PLXDC2: variants seen among roughly 807,000 people sequenced by gnomAD.
PLXDC2 encodes the protein plexin domain containing 2, also known as plexin domain-containing protein 2.
PLXDC2 carries 40 observed loss-of-function variants against 68.9 expected under a neutral mutation model. That is an observed-to-expected ratio of 0.58 (90% CI 0.45 to 0.76). The LOEUF (loss-of-function observed/expected upper bound fraction) is 0.76, where lower values mean the gene tolerates loss of function less well. Ranked by LOEUF, PLXDC2 falls within the 30% of genes least tolerant of loss-of-function variation. PLXDC2 has a pLI of 0.00. For missense variants in PLXDC2, 644 were observed against 661.9 expected (o/e 0.97, Z 0.30); for synonymous variants, 243 against 234.2 (o/e 1.04, Z -0.34).
intron 12 of PLXDC2, among the ~76,000 whole-genome samples, chr10:20,220,189 T>C (rs1413259763): frequency 1.3e-5 from 2 of 152,202 alleles, no homozygotes; most frequent in Admixed American, 1.3e-4. Context: ...AGTGAATAGT[T>C]TTAGAAATGA....
Position 20,217,557 on chromosome 10 carries a change from C to T in PLXDC2, c.1254C>T (p.Pro418=). ...GAAGAGCAGTGACTTCTCAGTTTCC[C>T]ACCAGCCTCCCTACAGAAGGTACCC... ...TTRRAVTSQF[P]TSLPTEDDTK... Residue 418 remains proline, a synonymous_variant, in exon 11 of 14, where the codon CCC becomes CCT. Transcript: ENST00000377252. 1.2e-6 allele frequency: 2 copies of T among 1,605,644 alleles called. No homozygotes were observed. Among genetic ancestry groups the T allele is most frequent in the Non-Finnish European group, 1.7e-6 (2 of 1,175,522 alleles).
intron 1 of PLXDC2, among the ~76,000 whole-genome samples, chr10:19,996,284 ATAAAAT>A (rs1264597704): frequency 6.6e-6 from 1 of 152,160 alleles, no homozygotes; most frequent in African/African-American, 2.4e-5. Context: ...TCTACAAGAA[ATAAAAT>A]TAAAAATTAG....
intron 3 of PLXDC2, 73 bp from the exon 4 acceptor site, chr10:20,068,097 G>A (rs1836245784): frequency 4.5e-6 from 6 of 1,325,770 alleles, no homozygotes; most frequent in South Asian, 1.3e-5. Flanking sequence ...TTTGTTTTAA[G>A]TGAAAGGCTC....
At chr10:19,956,826 A>G (rs577053673) in intron 1 of PLXDC2, among the ~76,000 whole-genome samples, 3 of 152,350 alleles carry the variant, frequency 2.0e-5, no homozygotes, top group African/African-American at 7.2e-5. Flanking sequence ...AACTATGTCA[A>G]TACGGGAATG....
At chr10:19,959,635 A>G (rs939239425) in intron 1 of PLXDC2, among the ~76,000 whole-genome samples, 2 of 152,234 alleles carry the variant, frequency 1.3e-5, no homozygotes, top group African/African-American at 2.4e-5. Flanking sequence ...ATCACAGTGT[A>G]GAGTAAATAG....
chr10:20,024,817 G>C (rs946399181), intron 2 of PLXDC2, among the ~76,000 whole-genome samples: 2 of 152,090 alleles, frequency 1.3e-5, no homozygotes, highest in African/African-American at 4.8e-5. Flanking sequence ...AGAACATGCA[G>C]TATTTGTTTT....
At chr10:19,906,319 A>C (rs919394658) in intron 1 of PLXDC2, among the ~76,000 whole-genome samples, 2 of 152,232 alleles carry the variant, frequency 1.3e-5, no homozygotes, top group African/African-American at 4.8e-5. Flanking sequence ...GAGACATATC[A>C]TGCCACAGTA....
At chr10:20,240,728 A>G (rs1835503472) in intron 12 of PLXDC2, among the ~76,000 whole-genome samples, 1 of 151,838 alleles carries the variant, frequency 6.6e-6, no homozygotes, top group African/African-American at 2.4e-5. Flanking sequence ...AAAAAAAAAA[A>G]AAAGGTTAAA....
chr10:20,071,274 A>G (rs1836311989), intron 4 of PLXDC2: 1 of 152,202 alleles, frequency 6.6e-6, no homozygotes, highest in African/African-American at 2.4e-5. Flanking sequence ...AAAGCACAAG[A>G]TGCGTCATTA....
chr10:19,989,004 C>A (rs1834699798), intron 1 of PLXDC2, among the ~76,000 whole-genome samples: 1 of 151,598 alleles, frequency 6.6e-6, no homozygotes, highest in South Asian at 2.1e-4. Context: ...CCATATTGCC[C>A]AGTGTGGCTG....
chr10:19,920,524 T>C (rs1389117066), intron 1 of PLXDC2, among the ~76,000 whole-genome samples: 1 of 152,128 alleles, frequency 6.6e-6, no homozygotes, highest in Non-Finnish European at 1.5e-5. Flanking sequence ...CATGAACTGG[T>C]GGAAGGAGGG....
intron 3 of PLXDC2, among the ~76,000 whole-genome samples, chr10:20,065,189 G>C (rs1836182991): frequency 6.6e-6 from 1 of 152,186 alleles, no homozygotes; most frequent in Non-Finnish European, 1.5e-5. Flanking sequence ...ATTGTTGTCA[G>C]AAGGGATGTC....
chr10:20,124,612 C>G (rs11011812), intron 4 of PLXDC2, among the ~76,000 whole-genome samples: 4,078 of 151,750 alleles, frequency 0.027, 191 homozygotes, highest in African/African-American at 0.095. Context: ...TGGGTGCAGG[C>G]GGGCTGAGTC....
chr10:19,991,248 A>G (rs1421883087), intron 1 of PLXDC2, among the ~76,000 whole-genome samples: 9 of 149,584 alleles, frequency 6.0e-5, no homozygotes, highest in Admixed American at 1.3e-4. Context: ...CTCTCTCTCA[A>G]AAAAAAAAAA....
At chr10:19,942,340 G>T (rs530931402) in intron 1 of PLXDC2, among the ~76,000 whole-genome samples, 24 of 152,250 alleles carry the variant, frequency 1.6e-4, no homozygotes, top group African/African-American at 5.8e-4. Flanking sequence ...TGTGGTTATT[G>T]TTTCCCCTAA....
chr10:20,252,138 G>T (rs1048379986), intron 13 of PLXDC2, among the ~76,000 whole-genome samples: 1 of 152,136 alleles, frequency 6.6e-6, no homozygotes, highest in African/African-American at 2.4e-5. Flanking sequence ...AATGGAGTTT[G>T]CCTGTAAATA....
At chr10:19,836,741 A>G (rs1022547169) in intron 1 of PLXDC2, among the ~76,000 whole-genome samples, 2 of 152,200 alleles carry the variant, frequency 1.3e-5, no homozygotes, top group Non-Finnish European at 2.9e-5. Flanking sequence ...TTTAAAGTCA[A>G]TTTTACACCC....
chr10:19,891,187 C>T (rs899887082), intron 1 of PLXDC2, among the ~76,000 whole-genome samples: 1 of 152,104 alleles, frequency 6.6e-6, no homozygotes, highest in Admixed American at 6.5e-5. Flanking sequence ...GCTGCATTGT[C>T]CTTAAAAACA....
intron 7 of PLXDC2, among the ~76,000 whole-genome samples, chr10:20,171,992 T>C (rs893443782): frequency 3.3e-5 from 5 of 151,864 alleles, no homozygotes; most frequent in Non-Finnish European, 7.4e-5. Context: ...ACTTATTGGG[T>C]ACAATGTACA....
Sources: allele counts gnomAD v4.1 joint callset (sites outside exome capture counted in the v4.1 genomes callset), GRCh38; gene constraint gnomAD v4.1.1; transcripts MANE v1.5; gene names NCBI Gene and HGNC (gene_info 2026-07-23, HGNC 2026-07-21).